The following TSPAN8 variants were observed in gnomAD, a reference collection of about 807,000 sequenced individuals.
The protein encoded by TSPAN8 is tetraspanin 8, also known as tetraspanin-8.
In TSPAN8, 21 loss-of-function variants were observed where a neutral mutation model predicts 32.8. That is an observed-to-expected ratio of 0.64 (90% confidence interval 0.45 to 0.92). TSPAN8 has a LOEUF of 0.92. Ranked by LOEUF, TSPAN8 falls within the 40% of genes least tolerant of loss-of-function variation. The pLI, the probability that TSPAN8 is intolerant of heterozygous loss-of-function variation, is 0.00. For missense variants in TSPAN8, 269 were observed against 281.9 expected (o/e 0.95, Z 0.33); for synonymous variants, 95 against 94.6 (o/e 1.00, Z -0.03).
At position 71,125,311 on chromosome 12, in the gene TSPAN8, G is replaced by A. The variant is rs182910808; in HGVS notation, c.*23C>T. The stretch of plus-strand genomic sequence containing the variant: ...AACATTTTAAAGGGGTTTGACTGAC[G>A]ATAGGTTGATGCATCCACAGATTCA... On this transcript the variant is annotated 3_prime_UTR_variant, in exon 9 of 9. Coordinates refer to ENST00000247829, the MANE Select transcript of TSPAN8 (RefSeq NM_004616.3). 7.2e-5 allele frequency: 115 copies of A among 1,605,704 alleles called. No homozygotes were observed. In the East Asian group the frequency reaches 1.7e-3, roughly 23 times the overall value.
chr12:71,153,808 G>A (rs1351848378), intron 2 of TSPAN8, among the ~76,000 whole-genome samples: 1 of 152,150 alleles, frequency 6.6e-6, no homozygotes, highest in Non-Finnish European at 1.5e-5. Context: ...TCTTGGCTAA[G>A]AAGTTATCAC....
At chr12:71,137,381 C>T (rs1871734360) in intron 6 of TSPAN8, among the ~76,000 whole-genome samples, 1 of 152,064 alleles carries the variant, frequency 6.6e-6, no homozygotes, top group African/African-American at 2.4e-5. Flanking sequence ...GGTGGATCAC[C>T]TGAGGTCAGG....
intron 8 of TSPAN8, among the ~76,000 whole-genome samples, chr12:71,126,054 TG>T (rs1565781069): frequency 6.6e-6 from 1 of 152,122 alleles, no homozygotes; most frequent in Admixed American, 6.6e-5. Flanking sequence ...GTTGGTGACT[TG>T]CATGCTGTAT....
intron 3 of TSPAN8, among the ~76,000 whole-genome samples, chr12:71,143,595 T>C (rs1280200232): frequency 6.6e-6 from 1 of 152,176 alleles, no homozygotes; most frequent in Non-Finnish European, 1.5e-5. Context: ...CAAGTTAGAT[T>C]AGCCACTACT....
chr12:71,148,626 G>A (rs1404662046), intron 2 of TSPAN8, among the ~76,000 whole-genome samples: 1 of 152,080 alleles, frequency 6.6e-6, no homozygotes, highest in African/African-American at 2.4e-5. Context: ...TTTTTCAGGA[G>A]TACAGCTTAT....
chr12:71,148,849 C>G (rs966618949), intron 2 of TSPAN8, among the ~76,000 whole-genome samples: 1 of 152,156 alleles, frequency 6.6e-6, no homozygotes, highest in African/African-American at 2.4e-5. Context: ...CTTTTTATCT[C>G]ATCCCGTTGT....
chr12:71,144,498 C>G (rs1301862411), intron 2 of TSPAN8, among the ~76,000 whole-genome samples: 1 of 152,132 alleles, frequency 6.6e-6, no homozygotes, highest in Non-Finnish European at 1.5e-5. Flanking sequence ...TTCCATGTAA[C>G]TCTAGCCCTG....
chr12:71,146,319 T>C (rs1334431067), intron 2 of TSPAN8, among the ~76,000 whole-genome samples: 2 of 152,168 alleles, frequency 1.3e-5, no homozygotes, highest in Admixed American at 6.6e-5. Flanking sequence ...AGTGGAGAAA[T>C]TCCCATGTAA....
chr12:71,138,063 G>C lies in TSPAN8; in HGVS notation c.337-3C>G. 1.2e-6 allele frequency: 2 copies of C among 1,613,166 alleles called. No individual in the cohort carries two copies. Among genetic ancestry groups the C allele is most frequent in the Non-Finnish European group, 1.7e-6 (2 of 1,179,746 alleles). On this transcript the variant is annotated splice_polypyrimidine_tract_variant and splice_region_variant and intron_variant, in intron 5 of 8. Coordinates refer to ENST00000247829, the MANE Select transcript of TSPAN8 (RefSeq NM_004616.3). ...GTTTCATTCACAATGCGATCAGACT[G>C]AAAATTGAAAAGTATTTTACATTAT...
chr12:71,126,402 T>C (rs1212312666), intron 8 of TSPAN8, among the ~76,000 whole-genome samples: 1 of 152,176 alleles, frequency 6.6e-6, no homozygotes, highest in Non-Finnish European at 1.5e-5. Context: ...GGGACAAGTA[T>C]CAAGAAAGAA....
chr12:71,135,226 A>G (rs1208175763), intron 6 of TSPAN8, among the ~76,000 whole-genome samples: 1 of 56,378 alleles, frequency 1.8e-5, no homozygotes, highest in African/African-American at 4.2e-5. Context: ...GAGGAGGAAG[A>G]AGAAGGAGGA....
chr12:71,150,007 G>T (rs976035740), intron 2 of TSPAN8, among the ~76,000 whole-genome samples: 5 of 152,080 alleles, frequency 3.3e-5, no homozygotes, highest in Non-Finnish European at 5.9e-5. Flanking sequence ...AATACTATGG[G>T]GAAAGAATTG....
intron 8 of TSPAN8, among the ~76,000 whole-genome samples, chr12:71,127,690 A>G (rs1871390096): frequency 1.3e-5 from 2 of 152,216 alleles, no homozygotes; most frequent in Admixed American, 1.3e-4. Context: ...ACTGAAATAC[A>G]TTAATCTTTT....
chr12:71,140,243 A>G (rs541329780), intron 3 of TSPAN8, among the ~76,000 whole-genome samples: 4 of 152,344 alleles, frequency 2.6e-5, no homozygotes, highest in Admixed American at 2.0e-4. Flanking sequence ...TCTTTAAACT[A>G]TTGATAGACA....
intron 3 of TSPAN8, among the ~76,000 whole-genome samples, chr12:71,143,593 A>G (rs1440837470): frequency 2.0e-5 from 3 of 152,170 alleles, no homozygotes; most frequent in African/African-American, 7.2e-5. Flanking sequence ...ACCAAGTTAG[A>G]TTAGCCACTA....
intron 2 of TSPAN8, among the ~76,000 whole-genome samples, chr12:71,152,446 C>T (rs1592411205): frequency 6.6e-6 from 1 of 152,252 alleles, no homozygotes; most frequent in Non-Finnish European, 1.5e-5. Context: ...ATGTCTTTTT[C>T]TTAAACATTT....
Position 71,126,005 on chromosome 12 carries a change from G to A in TSPAN8, c.661-618C>T, listed in dbSNP as rs1195291434. 3.3e-5 allele frequency among the ~76,000 whole-genome samples: 5 copies of A among 152,144 alleles called. No homozygotes were observed. In the East Asian group the frequency reaches 9.6e-4, roughly 29 times the overall value. On this transcript the variant is annotated intron_variant, in intron 8 of 8. Transcript: ENST00000247829. ...TTTCCATCTCAAGTAGCTCTCCCAA[G>A]AATGAGGGACCCCAAAATTTGCTCT...
intron 3 of TSPAN8, among the ~76,000 whole-genome samples, chr12:71,141,876 T>C (rs1158281219): frequency 1.3e-5 from 2 of 152,164 alleles, no homozygotes; most frequent in African/African-American, 4.8e-5. Flanking sequence ...TCCTGAAAGA[T>C]GAGGACTCAG....
chr12:71,132,858 G>T (rs770249468), intron 6 of TSPAN8, 34 bp from the exon 7 acceptor site: 1 of 1,611,698 alleles, frequency 6.2e-7, no homozygotes, highest in Admixed American at 1.7e-5. Context: ...GAAGCAGTCA[G>T]TAAGAAGATT....
Sources: gnomAD v4.1 joint callset for allele counts (sites outside exome capture counted in the v4.1 genomes callset) on GRCh38, gnomAD v4.1.1 for gene constraint, MANE v1.5 for transcripts, NCBI Gene and HGNC (gene_info 2026-07-23, HGNC 2026-07-21) for gene names.